The following PHF2 variants were observed in gnomAD, a reference collection of about 807,000 sequenced individuals.
PHF2 encodes the protein PHD finger protein 2, also known as lysine-specific demethylase PHF2.
Under a neutral mutation model 120.5 loss-of-function variants are expected in PHF2, and 27 were observed. The ratio of observed to expected loss-of-function variants is 0.22; its 90% confidence interval spans 0.17 to 0.31. The LOEUF (loss-of-function observed/expected upper bound fraction) is 0.31. PHF2 is among the 10% of genes least tolerant of loss of function. PHF2 has a pLI of 1.00. For missense variants in PHF2, 1,024 were observed against 1,434.8 expected (o/e 0.71, Z 4.63); for synonymous variants, 568 against 592.5 (o/e 0.96, Z 0.60).
chr9:93,650,450 G>A (rs1826349594), intron 5 of PHF2, among the ~76,000 whole-genome samples: 1 of 152,112 alleles, frequency 6.6e-6, no homozygotes, highest in Non-Finnish European at 1.5e-5. Context: ...TCACACACAT[G>A]AGATCCTGCA....
rs951758923 is a variant in PHF2 at position 93,676,922 on chromosome 9, G to A, written c.3161G>A (p.Arg1054Gln). Residue 1054 changes from arginine (R) to glutamine (Q), a missense_variant, in exon 21 of 22, where the codon CGG (arginine) becomes CAG (glutamine). By Grantham distance (43) the Arg-to-Gln change is conservative. Coordinates refer to ENST00000359246, the MANE Select transcript of PHF2 (RefSeq NM_005392.4). The part of the protein sequence containing the change: ...MAPGVFLTQR[R>Q]PSASSPNNNT... ...CCTGGGGTCTTTCTCACACAGAGGCGGCCCTCCGCATCGTCTCCAAACAAC... is the reference window on the plus strand; with the variant it reads ...CCTGGGGTCTTTCTCACACAGAGGCAGCCCTCCGCATCGTCTCCAAACAAC... 1.2e-5 allele frequency: 19 copies of A among 1,575,580 alleles called. No individual in the cohort carries two copies. Among genetic ancestry groups the A allele is most frequent in the East Asian group, 6.9e-5 (3 of 43,508 alleles).
chr9:93,624,124 T>A (rs541004292), intron 1 of PHF2, among the ~76,000 whole-genome samples: 1 of 152,402 alleles, frequency 6.6e-6, no homozygotes, highest in Admixed American at 6.5e-5. Flanking sequence ...TCAATTTCCC[T>A]ATTGTGGTAA....
intron 1 of PHF2, among the ~76,000 whole-genome samples, chr9:93,600,293 T>A (rs1171836933): frequency 6.6e-6 from 1 of 151,978 alleles, no homozygotes; most frequent in Non-Finnish European, 1.5e-5. Context: ...GAGGCCCTGG[T>A]CCTAAGTGTT....
At chr9:93,640,980 T>A (rs915854354) in intron 3 of PHF2, among the ~76,000 whole-genome samples, 1 of 152,202 alleles carries the variant, frequency 6.6e-6, no homozygotes, top group African/African-American at 2.4e-5. Context: ...TTAAACAGAG[T>A]CTGTGTCTGC....
intron 1 of PHF2, 55 bp downstream of exon 1, chr9:93,576,926 G>A: frequency 2.5e-6 from 2 of 797,456 alleles, no homozygotes; most frequent in South Asian, 5.3e-5. Flanking sequence ...CACCTTGCCC[G>A]ACCGAGCCCC....
At chr9:93,663,678 C>T (rs761989319) in intron 14 of PHF2, 43 bp downstream of exon 14, 14 of 1,064,668 alleles carry the variant, frequency 1.3e-5, no homozygotes, top group Admixed American at 3.5e-5. Flanking sequence ...CGCGCATAAC[C>T]GACATCACAC....
chr9:93,614,669 G>A (rs375865228), intron 1 of PHF2, among the ~76,000 whole-genome samples: 11 of 152,290 alleles, frequency 7.2e-5, no homozygotes, highest in African/African-American at 1.2e-4. Context: ...TTCTTTCCAC[G>A]GAGATTCTGT....
rs141738387 is a variant in PHF2, at chr9:93,582,638, C to A, written c.98+5767C>A. 2.6e-4 allele frequency among the ~76,000 whole-genome samples: 40 copies of A among 152,194 alleles called. 1 individual carries two copies. In the East Asian group the frequency reaches 7.3e-3, roughly 28 times the overall value. On this transcript the variant is annotated intron_variant, in intron 1 of 21. Coordinates refer to ENST00000359246, the MANE Select transcript of PHF2 (RefSeq NM_005392.4). The stretch of plus-strand genomic sequence containing the variant: ...GGACCTGTTTACTTTTCTCCTGGAC[C>A]CCCCCGCCACCATAGTGCTGGGTCA...
At chr9:93,645,929 C>T (rs534146211) in intron 4 of PHF2, 140 bp downstream of exon 4, 1 of 961,592 alleles carries the variant, frequency 1.0e-6, no homozygotes, top group Non-Finnish European at 1.5e-6. Context: ...TCACCGTACT[C>T]TGTTCCCGGT....
At chr9:93,637,390 C>T (rs966659966) in intron 3 of PHF2, among the ~76,000 whole-genome samples, 1 of 152,144 alleles carries the variant, frequency 6.6e-6, no homozygotes, top group Non-Finnish European at 1.5e-5. Context: ...CAGATATGTG[C>T]ACATCACTGA....
chr9:93,580,365 C>T (rs559409938), intron 1 of PHF2, among the ~76,000 whole-genome samples: 16 of 152,270 alleles, frequency 1.1e-4, no homozygotes, highest in Non-Finnish European at 2.1e-4. Flanking sequence ...TCGCTCTGCA[C>T]CGGCACTGAG....
chr9:93,679,072 T>C lies in PHF2; in HGVS notation c.*1396T>C. Reference sequence around the variant, plus strand: ...AGGGGATTGGGGGATACAGTTATTTTACTAGCACCTTGTGAAGTGTTTCCG... The same window carrying C: ...AGGGGATTGGGGGATACAGTTATTTCACTAGCACCTTGTGAAGTGTTTCCG... On this transcript the variant is annotated 3_prime_UTR_variant, in exon 22 of 22. Transcript: ENST00000359246. The C allele has an allele frequency of 2.8e-6, 1 of 359,886 alleles. No individual in the cohort carries two copies. Among genetic ancestry groups the C allele is most frequent in the Non-Finnish European group, 5.4e-6 (1 of 185,552 alleles). 22.3% of individuals were successfully genotyped at this position (359,886 alleles called of 1,614,324 possible). A position where few individuals can be genotyped will look rare whatever the true frequency, so the allele number is the denominator to read the frequency against.
At chr9:93,643,276 G>A (rs1826198485) in intron 3 of PHF2, among the ~76,000 whole-genome samples, 1 of 152,154 alleles carries the variant, frequency 6.6e-6, no homozygotes, top group Admixed American at 6.5e-5. Flanking sequence ...CCCAACCGAT[G>A]GGTTTAGTGC....
intron 2 of PHF2, among the ~76,000 whole-genome samples, chr9:93,635,634 G>A (rs1826077383): frequency 6.6e-6 from 1 of 152,204 alleles, no homozygotes; most frequent in Non-Finnish European, 1.5e-5. Context: ...GTCCAGTAGA[G>A]GTGTGTGTGT....
At chr9:93,653,562 C>T (rs914345456) in intron 6 of PHF2, among the ~76,000 whole-genome samples, 197 bp downstream of exon 6, 2 of 152,188 alleles carry the variant, frequency 1.3e-5, no homozygotes, top group African/African-American at 2.4e-5. Context: ...ACCAGAGAAC[C>T]GCATGAGTGT....
chr9:93,605,994 A>T (rs752179282), intron 1 of PHF2, among the ~76,000 whole-genome samples: 3 of 151,496 alleles, frequency 2.0e-5, no homozygotes, highest in Non-Finnish European at 2.9e-5. Context: ...CTTTTTTTTC[A>T]ACAGGGTCTG....
chr9:93,580,001 G>A (rs561557842), intron 1 of PHF2, among the ~76,000 whole-genome samples: 10 of 152,246 alleles, frequency 6.6e-5, no homozygotes, highest in Admixed American at 2.0e-4. Flanking sequence ...AGGGAGAATC[G>A]TTGTGTTCTA....
chr9:93,597,963 G>C (rs1445320151), intron 1 of PHF2, among the ~76,000 whole-genome samples: 2 of 152,208 alleles, frequency 1.3e-5, no homozygotes, highest in Non-Finnish European at 2.9e-5. Flanking sequence ...GGGTCACTCT[G>C]ATGGGCAGGG....
Position 93,656,164 on chromosome 9 carries a change from C to G in PHF2, c.1040+143C>G, listed in dbSNP as rs1409280906. 2 of 674,868 alleles carry G rather than the reference C, an allele frequency of 3.0e-6. No individual in the cohort carries two copies. The highest frequency in any genetic ancestry group is 3.6e-5 in the African/African-American group (2 of 55,966). 41.8% of individuals were successfully genotyped at this position (674,868 alleles called of 1,614,324 possible). A position where few individuals can be genotyped will look rare whatever the true frequency, so the allele number is the denominator to read the frequency against. On this transcript the variant is annotated intron_variant, in intron 8 of 21. Coordinates refer to ENST00000359246, the MANE Select transcript of PHF2 (RefSeq NM_005392.4). This position sits in a 1 kb window ranked among gnomAD's most constrained non-coding sequence, Gnocchi z 4.1. The stretch of plus-strand genomic sequence containing the variant: ...GACATGACCGTCAGCCTCGGTGGGC[C>G]TCTTTGTGATGTGGAGGGAAGGAGG...
Sources: allele counts gnomAD v4.1 joint callset (sites outside exome capture counted in the v4.1 genomes callset), GRCh38; gene constraint gnomAD v4.1.1; non-coding constraint Gnocchi (gnomAD v3.1); transcripts MANE v1.5; gene names NCBI Gene and HGNC (gene_info 2026-07-23, HGNC 2026-07-21).